The following DYNC1H1 variants were observed in gnomAD, a reference collection of about 807,000 sequenced individuals.
DYNC1H1 encodes dynein cytoplasmic 1 heavy chain 1.
A neutral mutation model predicts 527.1 loss-of-function variants in DYNC1H1; 51 were observed. The ratio of observed to expected loss-of-function variants is 0.10; its 90% CI spans 0.08 to 0.12. DYNC1H1 has a LOEUF of 0.12. Among genes scored for constraint, DYNC1H1 ranks in the 10% least tolerant of loss-of-function variants. The pLI, the probability that DYNC1H1 is intolerant of heterozygous loss-of-function variation, is 1.00. For synonymous variants in DYNC1H1, 2,189 were observed against 2,278.8 expected (o/e 0.96, Z 1.12); for missense variants, 2,771 against 5,971.8 (o/e 0.46, Z 17.66).
chr14:102,027,995 G>A lies in DYNC1H1; in HGVS notation c.9322G>A (p.Glu3108Lys). ...CGAAGCACTGTATCAGGTTGGCAAAGAATTCACAAGTAAGATGGATCTGGA... is the reference window on the plus strand; with the variant it reads ...CGAAGCACTGTATCAGGTTGGCAAAAAATTCACAAGTAAGATGGATCTGGA... ...STEALYQVGKEFTSKMDLEKP... is the reference protein window; with the variant it reads ...STEALYQVGKKFTSKMDLEKP... The change falls in exon 48 of 78, where the codon GAA becomes AAA. Residue 3108 changes from glutamate to lysine, a missense_variant. Around this residue, in one of 32 missense-constraint regions of DYNC1H1, gnomAD observed 67 missense variants for 128.2 expected, o/e 0.52. Transcript: ENST00000360184. This position sits in a 1 kb window ranked among gnomAD's most constrained non-coding sequence, Gnocchi z 7.7. 6.2e-7 allele frequency: 1 copy of A among 1,614,150 alleles called. No individual in the cohort carries two copies. The highest frequency in any genetic ancestry group is 8.5e-7 in the Non-Finnish European group (1 of 1,180,034).
intron 73 of DYNC1H1, 100 bp from the exon 74 acceptor site, chr14:102,048,416 C>A (rs1055361267): frequency 6.6e-6 from 10 of 1,509,558 alleles, no homozygotes; most frequent in African/African-American, 4.1e-5. Flanking sequence ...AGTTCGGAAG[C>A]TCTGGGGCTC....
intron 77 of DYNC1H1, 63 bp from the exon 78 acceptor site, chr14:102,050,372 G>C: frequency 6.2e-7 from 1 of 1,613,682 alleles, no homozygotes. Context: ...CAGCTGTCCC[G>C]GGCAGTCTTC....
rs569139993 is a variant in DYNC1H1, at chr14:102,042,297, G to T, written c.12275+9G>T. 1.2e-6 allele frequency: 2 copies of T among 1,614,126 alleles called. No individual in the cohort carries two copies. On this transcript the variant is annotated intron_variant, in intron 67 of 77. Coordinates refer to ENST00000360184, the MANE Select transcript of DYNC1H1 (RefSeq NM_001376.5). The surrounding 1 kb of genome is among the most constrained non-coding windows in gnomAD (Gnocchi z 5.7). ...GCTGTAAAGTCGGGCAGGTAGGCCT[G>T]TTCTCTTTGGCTGAAGAAAGCCTTA... is the stretch of plus-strand genomic sequence containing the variant.
In DYNC1H1 at chr14:102,016,699, G is replaced by T; in HGVS notation, c.7615-67G>T. On this transcript the variant is annotated intron_variant, in intron 37 of 77. Transcript: ENST00000360184. The surrounding 1 kb of genome is among the most constrained non-coding windows in gnomAD (Gnocchi z 7.3). Reference sequence around the variant, plus strand: ...TTCTGAAAGTTCAAGTTTGTGTTCAGGTAAACAAACCTCGTGAGGAGGCAC... The same window carrying T: ...TTCTGAAAGTTCAAGTTTGTGTTCATGTAAACAAACCTCGTGAGGAGGCAC... 6.4e-7 allele frequency: 1 copy of T among 1,572,026 alleles called. No individual in the cohort carries two copies. The highest frequency in any genetic ancestry group is 2.3e-5 in the East Asian group (1 of 43,054).
At position 101,988,699 on chromosome 14, in the gene DYNC1H1, G is replaced by A. The variant is rs1407927687; in HGVS notation, c.2719-4G>A. ...ACTGTTCTCTGATATAACGTTGTCT[G>A]TAGATTGAAAGAATATTGGGCGTCC... On this transcript the variant is annotated splice_region_variant and splice_polypyrimidine_tract_variant and intron_variant, in intron 9 of 77. Coordinates refer to ENST00000360184, the MANE Select transcript of DYNC1H1 (RefSeq NM_001376.5). 6.2e-7 allele frequency: 1 copy of A among 1,614,162 alleles called. No homozygotes were observed. The highest frequency in any genetic ancestry group is 1.1e-5 in the South Asian group (1 of 91,082).
At chr14:102,004,735 C>A (rs758504389) in intron 24 of DYNC1H1, 27 bp from the exon 25 acceptor site, 1 of 1,614,060 alleles carries the variant, frequency 6.2e-7, no homozygotes, top group Non-Finnish European at 8.5e-7. Flanking sequence ...TTGCATACCT[C>A]ATTTCTTAAA....
chr14:101,974,118 A>C (rs1205991122), intron 1 of DYNC1H1, among the ~76,000 whole-genome samples: 1 of 151,728 alleles, frequency 6.6e-6, no homozygotes, highest in Non-Finnish European at 1.5e-5. Context: ...ATTTTTTTTG[A>C]GATGGAGTTT....
chr14:102,000,863 G>A (rs1362811025), intron 18 of DYNC1H1, 91 bp from the exon 19 acceptor site: 26 of 1,214,812 alleles, frequency 2.1e-5, no homozygotes, highest in South Asian at 1.5e-4. Flanking sequence ...ATGAGCCACC[G>A]CGCCTGGCCT....
At position 101,979,508 on chromosome 14, in the gene DYNC1H1, T is replaced by G; in HGVS notation, c.518+16T>G. ...AGGCAGACAGGTAAAAACTGTGGTT[T>G]GAATGTTATATTTCACTTAATGTTC... On this transcript the variant is annotated intron_variant, in intron 3 of 77. Coordinates refer to ENST00000360184, the MANE Select transcript of DYNC1H1 (RefSeq NM_001376.5). The surrounding 1 kb of genome is among the most constrained non-coding windows in gnomAD (Gnocchi z 4.6). The G allele has an allele frequency of 6.2e-7, 1 of 1,614,122 alleles. No individual in the cohort carries two copies. Among genetic ancestry groups the G allele is most frequent in the Non-Finnish European group, 8.5e-7 (1 of 1,180,020 alleles).
intron 51 of DYNC1H1, 68 bp from the exon 52 acceptor site, chr14:102,032,204 C>A (rs1480865252): frequency 1.9e-6 from 3 of 1,602,514 alleles, no homozygotes; most frequent in East Asian, 2.2e-5. Context: ...TGTTTTGGTT[C>A]ATTCTCACCA....
rs763803992 is a variant in DYNC1H1, at chr14:102,004,672, G to C, written c.5038G>C (p.Glu1680Gln). 1 of 1,614,174 alleles carries C rather than the reference G, an allele frequency of 6.2e-7. No homozygotes were observed. The highest frequency in any genetic ancestry group is 1.7e-5 in the Admixed American group (1 of 60,016). Reference sequence around the variant, plus strand: ...TGTTGTTTTGGGTATTTCATCTCGGGAAGGAGAGGAGGTAAATTTATGTTC... The same window carrying C: ...TGTTGTTTTGGGTATTTCATCTCGGCAAGGAGAGGAGGTAAATTTATGTTC... ...NSVVLGISSR[E>Q]GEEVMFKTPV... The change falls in exon 24 of 78, where the codon GAA (glutamate) becomes CAA (glutamine). Residue 1680 changes from glutamate (E) to glutamine (Q), a missense_variant. Around this residue, in one of 32 missense-constraint regions of DYNC1H1, gnomAD observed 105 missense variants for 138.1 expected, o/e 0.76. Transcript: ENST00000360184.
At chr14:102,026,489 CATG>C (rs2048452723) in intron 43 of DYNC1H1, 82 bp from the exon 44 acceptor site, 1 of 1,435,354 alleles carries the variant, frequency 7.0e-7, no homozygotes, top group African/African-American at 1.4e-5. Context: ...ACAGTTTCTT[CATG>C]GTATGTGGAC....
At position 102,000,390 on chromosome 14, in the gene DYNC1H1, G is replaced by A; in HGVS notation, c.4065G>A (p.Gln1355=). 6.2e-7 allele frequency: 1 copy of A among 1,614,042 alleles called. No homozygotes were observed. Among genetic ancestry groups the A allele is most frequent in the Non-Finnish European group, 8.5e-7 (1 of 1,179,974 alleles). The change falls in exon 18 of 78, where the codon CAG becomes CAA. Residue 1355 remains glutamine, a synonymous_variant. Coordinates refer to ENST00000360184, the MANE Select transcript of DYNC1H1 (RefSeq NM_001376.5). ...AGGAGCAACCCTGGGTTTCAGTACA[G>A]CCTCGAAAGGTATATCATGAAATCG... is the stretch of plus-strand genomic sequence containing the variant. ...QMKEQPWVSV[Q]PRKLRQNLDA...
At position 102,009,691 on chromosome 14, in the gene DYNC1H1, G is replaced by A. The variant is rs552029594; in HGVS notation, c.5978-152G>A. 68 of 1,245,524 alleles carry A rather than the reference G, an allele frequency of 5.5e-5. No individual in the cohort carries two copies. The East Asian group carries it at 5.9e-4, about 11-fold the overall frequency. 77.2% of individuals were successfully genotyped at this position (1,245,524 alleles called of 1,614,324 possible). On this transcript the variant is annotated intron_variant, in intron 29 of 77. Transcript: ENST00000360184. Reference sequence around the variant, plus strand: ...TGGGAGAATGTGGCTGGTGGTCCCCGAAGAAAGGCCAAAGAGCAGCCCCCG... The same window carrying A: ...TGGGAGAATGTGGCTGGTGGTCCCCAAAGAAAGGCCAAAGAGCAGCCCCCG...
rs375810066 is a variant in DYNC1H1, at chr14:101,986,571, C to T, written c.2346C>T (p.Ile782=). Residue 782 remains isoleucine (I), a synonymous_variant, in exon 8 of 78, where the codon ATC becomes ATT. Transcript: ENST00000360184. The surrounding 1 kb of genome is among the most constrained non-coding windows in gnomAD (Gnocchi z 8.7). ...NQLYPFAISL[I]ESVRTYERTC... ...TTTACCCGTTTGCCATCTCACTGAT[C>T]GAGAGCGTTCGTACCTATGAACGGA... The T allele has an allele frequency of 1.2e-5, 20 of 1,613,990 alleles. No individual in the cohort carries two copies. Among genetic ancestry groups the T allele is most frequent in the South Asian group, 2.2e-5 (2 of 91,084 alleles).
chr14:101,987,775 G>A, intron 9 of DYNC1H1, 143 bp downstream of exon 9: 1 of 1,017,296 alleles, frequency 9.8e-7, no homozygotes, highest in South Asian at 1.4e-5. Context: ...CATTTAACTA[G>A]TGATAGAACT....
In DYNC1H1 at chr14:102,004,419, A is replaced by C. The variant is rs17541019; in HGVS notation, c.4884-99A>C. 3.4e-3 allele frequency: 4,647 copies of C among 1,374,482 alleles called. 101 individuals are homozygous for C. In the East Asian group the frequency reaches 0.037, roughly 11 times the overall value. The allele number at this position is 1,374,482 out of a possible 1,614,324, so 85.1% of individuals were successfully genotyped here. A position where few individuals can be genotyped will look rare whatever the true frequency, so the allele number is the denominator to read the frequency against. ...TTGGGCTGGAGATTGCCACCACCAG[A>C]CACATGTTCTTTCCCTTCCTGCAGT... On this transcript the variant is annotated intron_variant, in intron 23 of 77. Coordinates refer to ENST00000360184, the MANE Select transcript of DYNC1H1 (RefSeq NM_001376.5).
chr14:101,982,028 T>G (rs1364817985), intron 5 of DYNC1H1, among the ~76,000 whole-genome samples: 1 of 152,230 alleles, frequency 6.6e-6, no homozygotes, highest in Admixed American at 6.5e-5. Context: ...AACCAGGCTG[T>G]GCAGAAGGAG....
At chr14:101,989,255 A>G (rs1473388853) in intron 10 of DYNC1H1, among the ~76,000 whole-genome samples, 1 of 152,252 alleles carries the variant, frequency 6.6e-6, no homozygotes, top group East Asian at 1.9e-4. Context: ...CATTCATGCA[A>G]TAAATTATTT....
Sources: gnomAD v4.1 joint callset for allele counts (sites outside exome capture counted in the v4.1 genomes callset) on GRCh38, gnomAD v4.1.1 for gene constraint, gnomAD v4.1.1 regional missense constraint, Gnocchi (gnomAD v3.1) non-coding constraint, MANE v1.5 for transcripts, NCBI Gene and HGNC (gene_info 2026-07-23, HGNC 2026-07-21) for gene names.